The following TTC28 variants were observed in gnomAD, a reference collection of about 807,000 sequenced individuals.
TTC28 encodes the protein tetratricopeptide repeat protein 28.
TTC28 carries 61 observed loss-of-function variants against 198.0 expected under a neutral mutation model. That is an observed-to-expected ratio of 0.31 (90% CI 0.25 to 0.38). The LOEUF (loss-of-function observed/expected upper bound fraction) is 0.38, where lower values mean the gene tolerates loss of function less well. Ranked by LOEUF, TTC28 falls within the 10% of genes least tolerant of loss-of-function variation. The pLI is 1.00. For missense variants in TTC28, 2,678 were observed against 3,164.0 expected (o/e 0.85, Z 3.69); for synonymous variants, 1,171 against 1,297.8 (o/e 0.90, Z 2.10).
At chr22:28,641,150 C>A (rs553138756) in intron 1 of TTC28, among the ~76,000 whole-genome samples, 1 of 151,978 alleles carries the variant, frequency 6.6e-6, no homozygotes, top group South Asian at 2.1e-4. Flanking sequence ...ATGGTGAGAC[C>A]CCATTTCTAC....
intron 2 of TTC28, among the ~76,000 whole-genome samples, chr22:28,449,944 A>G (rs952171340): frequency 6.6e-6 from 1 of 152,192 alleles, no homozygotes; most frequent in Non-Finnish European, 1.5e-5. Context: ...CATCCGTTAG[A>G]AAAAGAGACA....
intron 2 of TTC28, among the ~76,000 whole-genome samples, chr22:28,418,709 C>A (rs2047202476): frequency 6.6e-6 from 1 of 152,104 alleles, no homozygotes; most frequent in African/African-American, 2.4e-5. Context: ...ATATTTTTAT[C>A]TATTTAACAA....
At chr22:28,531,373 T>C (rs1380438553) in intron 2 of TTC28, among the ~76,000 whole-genome samples, 1 of 152,144 alleles carries the variant, frequency 6.6e-6, no homozygotes, top group Non-Finnish European at 1.5e-5. Context: ...CCTAAATATA[T>C]ATGCACTCAA....
intron 6 of TTC28, among the ~76,000 whole-genome samples, chr22:28,145,719 T>C (rs1485048801): frequency 2.0e-5 from 3 of 152,214 alleles, no homozygotes; most frequent in Non-Finnish European, 4.4e-5. Flanking sequence ...TGTATTTCAG[T>C]AGCATTTTCA....
intron 6 of TTC28, among the ~76,000 whole-genome samples, chr22:28,159,213 AG>A (rs1455673046): frequency 6.6e-6 from 1 of 152,248 alleles, no homozygotes; most frequent in African/African-American, 2.4e-5. Context: ...ATCTCACTCC[AG>A]CTAAAGTGGC....
At chr22:28,265,101 G>T (rs1449598562) in intron 5 of TTC28, among the ~76,000 whole-genome samples, 1 of 152,112 alleles carries the variant, frequency 6.6e-6, no homozygotes. Context: ...TATCCTGGAA[G>T]AATAAAGAAT....
At chr22:28,211,983 C>T (rs1212007867) in intron 5 of TTC28, among the ~76,000 whole-genome samples, 6 of 152,092 alleles carry the variant, frequency 3.9e-5, no homozygotes, top group Non-Finnish European at 7.4e-5. Context: ...CACTCAAAAC[C>T]GCTCAACTAT....
chr22:28,649,928 G>A (rs2051539108), intron 1 of TTC28, among the ~76,000 whole-genome samples: 1 of 152,080 alleles, frequency 6.6e-6, no homozygotes, highest in South Asian at 2.1e-4. Flanking sequence ...GGCAATTACT[G>A]ATCTCTGAAC....
intron 2 of TTC28, among the ~76,000 whole-genome samples, chr22:28,315,894 A>G (rs1463792882): frequency 2.0e-5 from 3 of 152,220 alleles, no homozygotes; most frequent in Admixed American, 6.5e-5. Flanking sequence ...TGAAAGTTTC[A>G]TAAGTGAAAG....
chr22:28,255,972 T>C (rs888062001), intron 5 of TTC28, among the ~76,000 whole-genome samples: 3 of 152,184 alleles, frequency 2.0e-5, no homozygotes, highest in African/African-American at 2.4e-5. Flanking sequence ...ATGTTTAATA[T>C]GACTACATAT....
chr22:28,372,366 A>G (rs1321870329), intron 2 of TTC28, among the ~76,000 whole-genome samples: 2 of 152,222 alleles, frequency 1.3e-5, no homozygotes, highest in Non-Finnish European at 2.9e-5. Flanking sequence ...AGCCACGCAC[A>G]TAATTACAGA....
At chr22:28,162,001 T>G (rs145056100) in intron 6 of TTC28, among the ~76,000 whole-genome samples, 1 of 152,108 alleles carries the variant, frequency 6.6e-6, no homozygotes, top group Non-Finnish European at 1.5e-5. Context: ...CAACTTCTCT[T>G]TGTCCTCTCC....
intron 2 of TTC28, among the ~76,000 whole-genome samples, chr22:28,442,016 G>A (rs1036933114): frequency 2.0e-5 from 3 of 152,004 alleles, no homozygotes; most frequent in Admixed American, 1.3e-4. Flanking sequence ...CTTGAAGAAA[G>A]CTGTCTTTCT....
chr22:28,300,059 A>G (rs1181103782), intron 3 of TTC28, among the ~76,000 whole-genome samples: 1 of 152,112 alleles, frequency 6.6e-6, no homozygotes, highest in African/African-American at 2.4e-5. Context: ...TCCTCCCCAC[A>G]CCAACTCACT....
intron 1 of TTC28, among the ~76,000 whole-genome samples, chr22:28,638,584 C>T (rs1408530786): frequency 3.9e-5 from 6 of 151,964 alleles, no homozygotes; most frequent in Non-Finnish European, 1.5e-5. Flanking sequence ...AAAGCTCCTA[C>T]AAATCAGTAA....
In TTC28 at chr22:28,108,148, G is replaced by T. The variant is rs1296442918; in HGVS notation, c.1697C>A (p.Ala566Asp). The change falls in exon 7 of 23, where the codon GCC becomes GAC. Residue 566 changes from alanine to aspartate, a missense_variant. By Grantham distance (126) the Ala-to-Asp change is moderately radical. This residue lies in a region of TTC28 where 775 missense variants were observed against 845.9 expected (regional missense o/e 0.92). Transcript: ENST00000397906. ...CAGGGCCCGGTCATGGGCACCCAGG[G>T]CCTGGTAGGCCACGGCAAGGTTCCC... ...THGNLAVAYQ[A>D]LGAHDRALQH... 2.6e-6 allele frequency: 4 copies of T among 1,551,610 alleles called. No homozygotes were observed. The highest frequency in any genetic ancestry group is 1.7e-4 in the Middle Eastern group (1 of 6,014).
At chr22:28,145,877 A>G (rs1368439555) in intron 6 of TTC28, among the ~76,000 whole-genome samples, 1 of 152,222 alleles carries the variant, frequency 6.6e-6, no homozygotes, top group Non-Finnish European at 1.5e-5. Context: ...TAACTCATTC[A>G]ATCCTCACAG....
In TTC28 at chr22:27,982,631, T is replaced by C. The variant is rs777322921; in HGVS notation, c.7036A>G (p.Lys2346Glu). The C allele has an allele frequency of 6.4e-7, 1 of 1,551,738 alleles. No homozygotes were observed. Among genetic ancestry groups the C allele is most frequent in the South Asian group, 1.2e-5 (1 of 84,054 alleles). Residue 2346 changes from lysine to glutamate, a missense_variant, in exon 23 of 23, where the codon AAA (lysine) becomes GAA (glutamate). Physicochemically the swap from Lys to Glu is moderately conservative, Grantham distance 56. Coordinates refer to ENST00000397906, the MANE Select transcript of TTC28 (RefSeq NM_001145418.2). This position sits in a 1 kb window ranked among gnomAD's most constrained non-coding sequence, Gnocchi z 5.2. ...ACCTTTTCATCAATGGCTGCCATTT[T>C]CAGTTTGTCTATGTCGGGAGCGTCT... ...PADAPDIDKL[K>E]MAAIDEKVQA...
rs188205953 is a variant in TTC28, at chr22:28,069,860, G to C, written c.3932+24220C>G. Among the ~76,000 whole-genome samples the C allele has an allele frequency of 1.4e-4, 21 of 150,996 alleles. No homozygotes were observed. In the East Asian group the frequency reaches 4.1e-3, roughly 30 times the overall value. ...AAAGCACAACACTGAACCAAAGTACGAAGAAGCAGACAAGGAGAAAAATAC... is the reference window on the plus strand; with the variant it reads ...AAAGCACAACACTGAACCAAAGTACCAAGAAGCAGACAAGGAGAAAAATAC... On this transcript the variant is annotated intron_variant, in intron 12 of 22. Transcript: ENST00000397906.
Sources: allele counts gnomAD v4.1 joint callset (sites outside exome capture counted in the v4.1 genomes callset), GRCh38; gene constraint gnomAD v4.1.1; regional missense constraint gnomAD v4.1.1; non-coding constraint Gnocchi (gnomAD v3.1); transcripts MANE v1.5; gene names NCBI Gene and HGNC (gene_info 2026-07-23, HGNC 2026-07-21).